The following UBE3B variants were observed in gnomAD, a reference collection of about 807,000 sequenced individuals.
UBE3B encodes ubiquitin protein ligase E3B.
A neutral mutation model predicts 132.3 loss-of-function variants in UBE3B; 80 were observed. The ratio of observed to expected loss-of-function variants is 0.60; its 90% CI spans 0.50 to 0.73. The LOEUF is 0.73. Ranked by LOEUF, UBE3B falls within the 30% of genes least tolerant of loss-of-function variation. UBE3B has a pLI of 0.00. For missense variants in UBE3B, 1,196 were observed against 1,362.5 expected (o/e 0.88, Z 1.92); for synonymous variants, 487 against 520.4 (o/e 0.94, Z 0.87).
Position 109,486,463 on chromosome 12 carries a change from A to G in UBE3B, c.343-8A>G. On this transcript the variant is annotated splice_polypyrimidine_tract_variant and splice_region_variant and intron_variant, in intron 5 of 27. Transcript: ENST00000342494. ...AGCCCATGACATTCCTCTTTTTCCC[A>G]CCTATAGGTGTGGTATGTGTCCCTG... 6.3e-7 allele frequency: 1 copy of G among 1,593,568 alleles called. No homozygotes were observed. Among genetic ancestry groups the G allele is most frequent in the Non-Finnish European group, 8.5e-7 (1 of 1,171,288 alleles).
rs914994389 is a variant in UBE3B at position 109,508,822 on chromosome 12, A to G, written c.1623-774A>G. On this transcript the variant is annotated intron_variant, in intron 15 of 27. Transcript: ENST00000342494. ...CTCATTTATTCATATGTTCTTTCAA[A>G]CATTTATTCATTTACTCACAAATGC... 6 of 876,456 alleles carry G rather than the reference A, an allele frequency of 6.8e-6. No homozygotes were observed. The African/African-American group carries it at 1.1e-4, about 16-fold the overall frequency. 54.3% of individuals were successfully genotyped at this position (876,456 alleles called of 1,614,324 possible).
Position 109,507,746 on chromosome 12 carries a change from T to A in UBE3B, c.1622+11T>A. On this transcript the variant is annotated intron_variant, in intron 15 of 27. Coordinates refer to ENST00000342494, the MANE Select transcript of UBE3B (RefSeq NM_130466.4). ...GCGGCACCTCATCACGTAGGTTGACTGCTGTGGGACTGAATTCCTTTCCTA... is the reference window on the plus strand; with the variant it reads ...GCGGCACCTCATCACGTAGGTTGACAGCTGTGGGACTGAATTCCTTTCCTA... 1 of 1,608,750 alleles carries A rather than the reference T, an allele frequency of 6.2e-7. No individual in the cohort carries two copies.
chr12:109,518,929 G>T (rs546542889), intron 19 of UBE3B, among the ~76,000 whole-genome samples: 1 of 152,180 alleles, frequency 6.6e-6, no homozygotes, highest in Non-Finnish European at 1.5e-5. Context: ...GCCTTTGCTG[G>T]ATTTGGACAC....
Position 109,534,376 on chromosome 12 carries a change from T to A in UBE3B, c.3016-215T>A. The A allele has an allele frequency of 7.1e-7, 1 of 1,414,302 alleles. No homozygotes were observed. The highest frequency in any genetic ancestry group is 9.2e-7 in the Non-Finnish European group (1 of 1,090,640). 87.6% of individuals were successfully genotyped at this position (1,414,302 alleles called of 1,614,324 possible). On this transcript the variant is annotated intron_variant, in intron 27 of 27. Transcript: ENST00000342494. The surrounding 1 kb of genome is among the most constrained non-coding windows in gnomAD (Gnocchi z 5.2). The stretch of plus-strand genomic sequence containing the variant: ...AAGCTTACTTAGTGCAGGAATTCTC[T>A]GTGCAGGCCCCAGGGAGAAGGGGTT...
chr12:109,500,423 A>G (rs1300546675), intron 12 of UBE3B, among the ~76,000 whole-genome samples: 6 of 152,224 alleles, frequency 3.9e-5, no homozygotes, highest in Non-Finnish European at 8.8e-5. Context: ...TGCTCGAGGC[A>G]TGGGGTCCCT....
chr12:109,524,714 G>A (rs187177234), intron 23 of UBE3B, among the ~76,000 whole-genome samples: 188 of 152,108 alleles, frequency 1.2e-3, no homozygotes, highest in Non-Finnish European at 2.2e-3. Context: ...GAAGCTTCCC[G>A]CAGAGACCCT....
chr12:109,482,118 T>A (rs1875563570), intron 2 of UBE3B, among the ~76,000 whole-genome samples: 2 of 152,214 alleles, frequency 1.3e-5, no homozygotes, highest in Admixed American at 6.5e-5. Context: ...TGCCTTTCAA[T>A]AACACGTAAT....
intron 18 of UBE3B, among the ~76,000 whole-genome samples, chr12:109,512,425 G>A (rs2136000716): frequency 6.6e-6 from 1 of 152,236 alleles, no homozygotes; most frequent in African/African-American, 2.4e-5. Context: ...TGTGGCAGGA[G>A]CATCCAGGAA....
At chr12:109,509,885 A>G (rs1880140627) in intron 16 of UBE3B, among the ~76,000 whole-genome samples, 171 bp downstream of exon 16, 2 of 152,194 alleles carry the variant, frequency 1.3e-5, no homozygotes, top group South Asian at 4.1e-4. Flanking sequence ...ACTTCTTAAG[A>G]TAGTGGTGTG....
In UBE3B at chr12:109,503,487, A is replaced by C. The variant is rs534917122; in HGVS notation, c.1450+297A>C. Among the ~76,000 whole-genome samples, 4 of 147,112 alleles carry C rather than the reference A, an allele frequency of 2.7e-5. No individual in the cohort carries two copies. The South Asian group carries it at 6.4e-4, about 24-fold the overall frequency. On this transcript the variant is annotated intron_variant, in intron 14 of 27. Transcript: ENST00000342494. ...AAAGAAGCAAAAAAGATAGGGTTGC[A>C]AAAAAAAAAGGAAAAAGAAAACCAC...
At chr12:109,512,621 G>A (rs1283209769) in intron 18 of UBE3B, among the ~76,000 whole-genome samples, 1 of 152,106 alleles carries the variant, frequency 6.6e-6, no homozygotes, top group Non-Finnish European at 1.5e-5. Flanking sequence ...TTAGAAAAGA[G>A]CATAAATCAT....
intron 26 of UBE3B, among the ~76,000 whole-genome samples, chr12:109,531,422 AT>A (rs1395606718): frequency 6.6e-6 from 1 of 152,174 alleles, no homozygotes; most frequent in African/African-American, 2.4e-5. Flanking sequence ...GGATCCTATC[AT>A]TTCCCACCAG....
At chr12:109,504,039 G>A (rs1295817061) in intron 14 of UBE3B, among the ~76,000 whole-genome samples, 1 of 152,202 alleles carries the variant, frequency 6.6e-6, no homozygotes, top group Non-Finnish European at 1.5e-5. Flanking sequence ...TCTAGTAGTG[G>A]GGAGACTGAA....
intron 14 of UBE3B, among the ~76,000 whole-genome samples, chr12:109,506,230 C>T (rs1879659952): frequency 6.6e-6 from 1 of 152,198 alleles, no homozygotes; most frequent in Non-Finnish European, 1.5e-5. Context: ...GGTGGCGAGC[C>T]TGCAAGATGG....
chr12:109,523,937 A>G, intron 21 of UBE3B, 41 bp from the exon 22 acceptor site: 1 of 1,611,230 alleles, frequency 6.2e-7, no homozygotes, highest in Non-Finnish European at 8.5e-7. Flanking sequence ...ACTGCATCAG[A>G]ATCCTGGCTG....
chr12:109,506,404 A>G (rs1219507673), intron 14 of UBE3B, among the ~76,000 whole-genome samples: 1 of 152,212 alleles, frequency 6.6e-6, no homozygotes, highest in Non-Finnish European at 1.5e-5. Context: ...GCTAGAGTGC[A>G]GTGGTGCGAT....
the UBE3B span, among the ~76,000 whole-genome samples, chr12:109,543,219 A>G: frequency 2.6e-5 from 4 of 152,232 alleles, no homozygotes; most frequent in African/African-American, 9.6e-5. Flanking sequence ...AACACTGCAG[A>G]TGTGTCAGAC....
At chr12:109,544,156 G>A in the UBE3B span, among the ~76,000 whole-genome samples, 1 of 152,278 alleles carries the variant, frequency 6.6e-6, no homozygotes, top group East Asian at 1.9e-4. Flanking sequence ...GGTCCCTGCA[G>A]CCCTTCCCAG....
At chr12:109,532,239 C>G (rs545898256) in intron 26 of UBE3B, among the ~76,000 whole-genome samples, 13 of 152,238 alleles carry the variant, frequency 8.5e-5, no homozygotes, top group Admixed American at 2.0e-4. Flanking sequence ...ACAGCCCCGA[C>G]ACACAGCATC....
Sources: allele counts gnomAD v4.1 joint callset (sites outside exome capture counted in the v4.1 genomes callset), GRCh38; gene constraint gnomAD v4.1.1; non-coding constraint Gnocchi (gnomAD v3.1); transcripts MANE v1.5; gene names NCBI Gene and HGNC (gene_info 2026-07-23, HGNC 2026-07-21).